The following IL1RL2 variants were observed in gnomAD, a reference collection of about 807,000 sequenced individuals.
IL1RL2 encodes the protein interleukin 1 receptor like 2.
IL1RL2 carries 68 observed loss-of-function variants against 66.8 expected under a neutral mutation model. The ratio of observed to expected loss-of-function variants is 1.02; its 90% CI spans 0.84 to 1.25. IL1RL2 has a LOEUF of 1.25. IL1RL2 is among the 50% of genes most tolerant of loss of function. The pLI is 0.00. For missense variants in IL1RL2, 729 were observed against 709.3 expected (o/e 1.03, Z -0.32); for synonymous variants, 305 against 264.6 (o/e 1.15, Z -1.48).
chr2:102,189,321 A>T lies in IL1RL2; in HGVS notation c.293+11A>T, dbSNP rs1469978634. 6.6e-7 allele frequency: 1 copy of T among 1,518,672 alleles called. No homozygotes were observed. The highest frequency in any genetic ancestry group is 1.4e-5 in the African/African-American group (1 of 72,648). The allele number at this position is 1,518,672 out of a possible 1,614,324, so 94.1% of individuals were successfully genotyped here. A position where few individuals can be genotyped will look rare whatever the true frequency, so the allele number is the denominator to read the frequency against. On this transcript the variant is annotated intron_variant, in intron 3 of 11. Coordinates refer to ENST00000264257, the MANE Select transcript of IL1RL2 (RefSeq NM_003854.4). Reference sequence around the variant, plus strand: ...CCAATGTGTTATAAAGTAAGTTCCTAATTTAAAATAGAACTAACTCGTGTG... The same window carrying T: ...CCAATGTGTTATAAAGTAAGTTCCTTATTTAAAATAGAACTAACTCGTGTG...
chr2:102,187,783 G>C (rs913522427), intron 1 of IL1RL2, 73 bp from the exon 2 acceptor site: 1 of 1,282,308 alleles, frequency 7.8e-7, no homozygotes. Context: ...GAGATTCCGA[G>C]GTCGCCCACG....
intron 11 of IL1RL2, 33 bp from the exon 12 acceptor site, chr2:102,239,159 G>A: frequency 6.2e-7 from 1 of 1,609,682 alleles, no homozygotes; most frequent in African/African-American, 1.3e-5. Context: ...CACCACATCA[G>A]AAAAGGAGTA....
rs530664584 is a variant in IL1RL2, at chr2:102,231,108, C to T, written c.1136-1855C>T. Among the ~76,000 whole-genome samples the T allele has an allele frequency of 4.6e-5, 7 of 152,340 alleles. No homozygotes were observed. The South Asian group carries it at 1.0e-3, about 23-fold the overall frequency. ...ATCGCGTTTTCCAATGAGACGCCCA[C>T]ACTTACCTCTTCTTCCACTCAAGCC... is the stretch of plus-strand genomic sequence containing the variant. On this transcript the variant is annotated intron_variant, in intron 9 of 11. Coordinates refer to ENST00000264257, the MANE Select transcript of IL1RL2 (RefSeq NM_003854.4).
At chr2:102,207,220 C>T (rs1408961810) in intron 5 of IL1RL2, among the ~76,000 whole-genome samples, 1 of 152,034 alleles carries the variant, frequency 6.6e-6, no homozygotes, top group African/African-American at 2.4e-5. Context: ...CCTCAAGAGC[C>T]TGCTTCATGA....
At chr2:102,208,127 G>C (rs1023934947) in intron 5 of IL1RL2, among the ~76,000 whole-genome samples, 1 of 152,194 alleles carries the variant, frequency 6.6e-6, no homozygotes, top group African/African-American at 2.4e-5. Context: ...AGTGGCATTG[G>C]TGATTGAGGA....
intron 4 of IL1RL2, among the ~76,000 whole-genome samples, chr2:102,192,341 C>G (rs1179442321): frequency 6.6e-6 from 1 of 152,156 alleles, no homozygotes. Flanking sequence ...TTTGGATCCA[C>G]CACCTTCCTC....
At position 102,232,437 on chromosome 2, in the gene IL1RL2, T is replaced by C. The variant is rs143154389; in HGVS notation, c.1136-526T>C. ...ACATCCTTGAACTCCTAAGCTCCCA[T>C]TTCAGCCTCCTGAGTAGCTGGGATT... is the stretch of plus-strand genomic sequence containing the variant. On this transcript the variant is annotated intron_variant, in intron 9 of 11. Transcript: ENST00000264257. Among the ~76,000 whole-genome samples, 6 of 151,826 alleles carry C rather than the reference T, an allele frequency of 4.0e-5. No individual in the cohort carries two copies. In the East Asian group the frequency reaches 1.2e-3, roughly 29 times the overall value.
chr2:102,203,778 G>C (rs914423882), intron 5 of IL1RL2, among the ~76,000 whole-genome samples: 1 of 151,658 alleles, frequency 6.6e-6, no homozygotes, highest in East Asian at 1.9e-4. Flanking sequence ...ATTCATTTCT[G>C]GTTTTATTTA....
intron 1 of IL1RL2, 168 bp downstream of exon 1, chr2:102,187,254 G>A (rs1686761707): frequency 3.4e-6 from 4 of 1,186,596 alleles, no homozygotes; most frequent in Non-Finnish European, 3.2e-6. Flanking sequence ...AGCCGACTCC[G>A]TCTCTGGGTC....
In IL1RL2 at chr2:102,239,737, A is replaced by T. The variant is rs1023367610; in HGVS notation, c.*496A>T. On this transcript the variant is annotated 3_prime_UTR_variant, in exon 12 of 12. Transcript: ENST00000264257. ...GGGTATCCCCACGTCATGGTGGATG[A>T]GAGCTGGGGGAATCACCATGTCATG... The T allele has an allele frequency of 2.4e-5, 4 of 168,356 alleles. No individual in the cohort carries two copies. The highest frequency in any genetic ancestry group is 9.7e-5 in the African/African-American group (4 of 41,268). 10.4% of individuals were successfully genotyped at this position (168,356 alleles called of 1,614,324 possible).
At chr2:102,205,984 G>T (rs1354139095) in intron 5 of IL1RL2, among the ~76,000 whole-genome samples, 1 of 151,824 alleles carries the variant, frequency 6.6e-6, no homozygotes, top group African/African-American at 2.4e-5. Flanking sequence ...CTTCCAGCCT[G>T]CTAATTCTTT....
intron 5 of IL1RL2, among the ~76,000 whole-genome samples, chr2:102,206,295 G>C (rs966073907): frequency 6.6e-6 from 1 of 152,130 alleles, no homozygotes; most frequent in African/African-American, 2.4e-5. Context: ...GGATGGTGTT[G>C]ATGCTAGTAG....
At chr2:102,205,215 C>A (rs967180143) in intron 5 of IL1RL2, among the ~76,000 whole-genome samples, 3 of 152,198 alleles carry the variant, frequency 2.0e-5, no homozygotes, top group South Asian at 2.1e-4. Flanking sequence ...GTACTCACTA[C>A]ACCTTGAAAA....
Position 102,189,288 on chromosome 2 carries a change from G to T in IL1RL2, c.271G>T (p.Gly91Ter), listed in dbSNP as rs752631669. The change falls in exon 3 of 12, where the codon GGA (glycine) becomes TGA (stop). Residue 91 changes from glycine (G) to a stop codon, truncating the protein, a stop_gained. Transcript: ENST00000264257. LOFTEE classifies it high-confidence loss of function. ...LFLPMEWGDS[G>*]VYQCVIKGRD... ...TCTCCCCATGGAATGGGGGGACTCAGGAGTCTACCAATGTGTTATAAAGTA... is the reference window on the plus strand; with the variant it reads ...TCTCCCCATGGAATGGGGGGACTCATGAGTCTACCAATGTGTTATAAAGTA... The T allele has an allele frequency of 3.1e-6, 5 of 1,610,028 alleles. No individual in the cohort carries two copies. The highest frequency in any genetic ancestry group is 2.2e-5 in the East Asian group (1 of 44,856).
chr2:102,206,232 A>G (rs1046477270), intron 5 of IL1RL2, among the ~76,000 whole-genome samples: 2 of 152,086 alleles, frequency 1.3e-5, no homozygotes, highest in Admixed American at 1.3e-4. Flanking sequence ...CTGTTCCTTC[A>G]GGATTGGCCC....
chr2:102,205,859 T>C (rs1688657670), intron 5 of IL1RL2, among the ~76,000 whole-genome samples: 1 of 152,230 alleles, frequency 6.6e-6, no homozygotes, highest in Admixed American at 6.5e-5. Context: ...GTAAAGCCAA[T>C]AACTTTTAGA....
At chr2:102,230,610 G>A (rs1691037854) in intron 9 of IL1RL2, among the ~76,000 whole-genome samples, 1 of 152,240 alleles carries the variant, frequency 6.6e-6, no homozygotes, top group Admixed American at 6.5e-5. Context: ...GTGGCTGAGG[G>A]CAGGGCAGGG....
chr2:102,235,682 G>C, intron 11 of IL1RL2: 1 of 985,388 alleles, frequency 1.0e-6, no homozygotes, highest in Non-Finnish European at 1.2e-6. Context: ...GACCACAGGA[G>C]GGCAGTCTAG....
At chr2:102,191,592 T>C (rs886387191) in intron 3 of IL1RL2, among the ~76,000 whole-genome samples, 4 of 152,240 alleles carry the variant, frequency 2.6e-5, no homozygotes, top group African/African-American at 9.6e-5. Context: ...TGTCAGGTAT[T>C]TCTTCATGAG....
Sources: gnomAD v4.1 joint callset for allele counts (sites outside exome capture counted in the v4.1 genomes callset) on GRCh38, gnomAD v4.1.1 for gene constraint, MANE v1.5 for transcripts, NCBI Gene and HGNC (gene_info 2026-07-23, HGNC 2026-07-21) for gene names.